The following DHRS7B variants were observed in gnomAD, a reference collection of about 807,000 sequenced individuals.
DHRS7B encodes dehydrogenase/reductase 7B.
DHRS7B carries 24 observed loss-of-function variants against 26.4 expected under a neutral mutation model. The observed-to-expected ratio is 0.91, with a 90% confidence interval of 0.66 to 1.28. DHRS7B has a LOEUF of 1.28. Ranked by LOEUF, DHRS7B falls within the 50% of genes most tolerant of loss-of-function variation. The pLI, the probability that DHRS7B is intolerant of heterozygous loss-of-function variation, is 0.00. For missense variants in DHRS7B, 368 were observed against 419.4 expected (o/e 0.88, Z 1.07); for synonymous variants, 142 against 166.4 (o/e 0.85, Z 1.13).
intron 1 of DHRS7B, among the ~76,000 whole-genome samples, chr17:21,135,527 A>G (rs911873520): frequency 6.6e-6 from 1 of 152,222 alleles, no homozygotes; most frequent in Non-Finnish European, 1.5e-5. Context: ...GGATTTCAAA[A>G]ACAAAAAGGT....
intron 1 of DHRS7B, among the ~76,000 whole-genome samples, chr17:21,165,086 G>A (rs781159279): frequency 7.2e-5 from 11 of 152,164 alleles, no homozygotes; most frequent in Non-Finnish European, 1.5e-4. Context: ...CTATTGGAGC[G>A]ATCATCCCCA....
At chr17:21,148,777 G>GT (rs1973696956) in intron 1 of DHRS7B, among the ~76,000 whole-genome samples, 1 of 151,152 alleles carries the variant, frequency 6.6e-6, no homozygotes, top group Non-Finnish European at 1.5e-5. Flanking sequence ...ATACACAGAG[G>GT]TAAAAAAAAA....
intron 1 of DHRS7B, among the ~76,000 whole-genome samples, chr17:21,145,663 CTA>C (rs759390590): frequency 2.0e-5 from 3 of 152,168 alleles, no homozygotes; most frequent in Non-Finnish European, 4.4e-5. Flanking sequence ...CATGTAGAAA[CTA>C]TACTCAAGTA....
intron 1 of DHRS7B, among the ~76,000 whole-genome samples, chr17:21,155,741 A>T (rs1019742628): frequency 6.6e-6 from 1 of 152,222 alleles, no homozygotes; most frequent in Admixed American, 6.5e-5. Flanking sequence ...CTTAATAAAT[A>T]TAAAGGAACA....
chr17:21,141,310 T>C (rs920744776), intron 1 of DHRS7B, among the ~76,000 whole-genome samples: 2 of 152,096 alleles, frequency 1.3e-5, no homozygotes, highest in Admixed American at 1.3e-4. Flanking sequence ...AAACAGCAGT[T>C]CAATTTCTCA....
chr17:21,180,812 G>T (rs1052851240), intron 3 of DHRS7B, among the ~76,000 whole-genome samples: 4 of 136,932 alleles, frequency 2.9e-5, no homozygotes, highest in Non-Finnish European at 6.2e-5. Flanking sequence ...GCTATTCAAG[G>T]CCCATTGTAA....
chr17:21,178,412 G>A (rs545488687), intron 3 of DHRS7B, 70 bp downstream of exon 3: 3 of 1,291,302 alleles, frequency 2.3e-6, no homozygotes, highest in African/African-American at 2.9e-5. Context: ...AGGAGATAGT[G>A]GCCCACTCCT....
At position 21,178,286 on chromosome 17, in the gene DHRS7B, A is replaced by C. The variant is rs115536974; in HGVS notation, c.253A>C (p.Asn85His). 1.1e-4 allele frequency: 182 copies of C among 1,614,220 alleles called. 2 individuals are homozygous for C. In the East Asian group the frequency reaches 3.9e-3, roughly 34 times the overall value. The change falls in exon 3 of 7, where the codon AAT (asparagine) becomes CAT (histidine). Residue 85 changes from asparagine (N) to histidine (H), a missense_variant. Coordinates refer to ENST00000395511, the MANE Select transcript of DHRS7B (RefSeq NM_015510.5). ...AGAKLVLCGR[N>H]GGALEELIRE... is the part of the protein sequence containing the mutation. ...TGCTAAACTGGTGCTCTGTGGCCGG[A>C]ATGGTGGGGCCCTAGAAGAGCTCAT...
Position 21,188,669 on chromosome 17 carries a change from C to A in DHRS7B, c.620-42C>A, listed in dbSNP as rs113030470. 5.8e-6 allele frequency: 9 copies of A among 1,538,678 alleles called. No individual in the cohort carries two copies. In the African/African-American group the frequency reaches 6.9e-5, roughly 12 times the overall value. On this transcript the variant is annotated intron_variant, in intron 5 of 6. Transcript: ENST00000395511. ...TAGTTGGGCACCAGGCCATGCCCAC[C>A]CCAGCGCACTCAGTCACCTGCCTCT... is the stretch of plus-strand genomic sequence containing the variant.
At chr17:21,158,109 A>G (rs532505170) in intron 1 of DHRS7B, among the ~76,000 whole-genome samples, 26 of 152,308 alleles carry the variant, frequency 1.7e-4, no homozygotes, top group African/African-American at 5.8e-4. Context: ...TCAACTTGAT[A>G]AATACTTAAA....
At chr17:21,181,982 G>A (rs1288067417) in intron 3 of DHRS7B, among the ~76,000 whole-genome samples, 3 of 152,198 alleles carry the variant, frequency 2.0e-5, no homozygotes, top group Admixed American at 6.5e-5. Context: ...TTGAGTAGCC[G>A]TTGTGAAAGC....
intron 1 of DHRS7B, among the ~76,000 whole-genome samples, chr17:21,141,796 G>T (rs1973521408): frequency 6.6e-6 from 1 of 151,904 alleles, no homozygotes. Context: ...TCAAATTTTG[G>T]GAGATCAGGG....
At chr17:21,132,703 GT>G (rs961275196) in intron 1 of DHRS7B, among the ~76,000 whole-genome samples, 10 of 152,162 alleles carry the variant, frequency 6.6e-5, no homozygotes, top group Non-Finnish European at 1.2e-4. Flanking sequence ...GTAGGTTAAA[GT>G]TTGTTTGCAC....
At chr17:21,139,934 AACACAT>A (rs780052315) in intron 1 of DHRS7B, among the ~76,000 whole-genome samples, 25 of 152,084 alleles carry the variant, frequency 1.6e-4, no homozygotes, top group Admixed American at 9.2e-4. Flanking sequence ...TTGTGTACAC[AACACAT>A]ACACAGACAT....
rs933997381 is a variant in DHRS7B at position 21,146,541 on chromosome 17, CACTT to C, written c.20+19552_20+19555del. ...ATTAAGTAACTTGTTCAAAGGCACT[CACTT>C]AGTATGATGTTGGTATTTGATCCAA... On this transcript the variant is annotated intron_variant, in intron 1 of 6. Transcript: ENST00000395511. 4.6e-5 allele frequency among the ~76,000 whole-genome samples: 7 copies of C among 152,324 alleles called. No homozygotes were observed. In the South Asian group the frequency reaches 1.0e-3, roughly 23 times the overall value.
intron 1 of DHRS7B, among the ~76,000 whole-genome samples, chr17:21,132,547 AAAC>A (rs1484634713): frequency 0.017 from 2,481 of 145,574 alleles, 92 homozygotes; most frequent in African/African-American, 0.062. Context: ...AAAAAAAAAA[AAAC>A]AAAAAAAAAA....
chr17:21,167,728 G>A (rs185815552), intron 1 of DHRS7B, among the ~76,000 whole-genome samples: 27 of 152,252 alleles, frequency 1.8e-4, no homozygotes, highest in Admixed American at 9.8e-4. Context: ...GCTGAAAATC[G>A]TGAGCCAGAT....
At chr17:21,131,205 G>A (rs1264888488) in intron 1 of DHRS7B, among the ~76,000 whole-genome samples, 5 of 152,232 alleles carry the variant, frequency 3.3e-5, no homozygotes, top group Non-Finnish European at 5.9e-5. Context: ...AGAAACAAGA[G>A]AATGGCTACT....
chr17:21,184,198 G>A (rs570114916), intron 4 of DHRS7B, among the ~76,000 whole-genome samples, 173 bp from the exon 5 acceptor site: 28 of 152,312 alleles, frequency 1.8e-4, no homozygotes, highest in Admixed American at 4.6e-4. Flanking sequence ...TGGCCTGCTG[G>A]CACTCTGCTG....
Sources: gnomAD v4.1 joint callset for allele counts (sites outside exome capture counted in the v4.1 genomes callset) on GRCh38, gnomAD v4.1.1 for gene constraint, MANE v1.5 for transcripts, NCBI Gene and HGNC (gene_info 2026-07-23, HGNC 2026-07-21) for gene names.